INTS9: variants seen among roughly 807,000 people sequenced by gnomAD.
The protein encoded by INTS9 is protein related to CPSF subunits of 74 kDa.
INTS9 carries 55 observed loss-of-function variants against 79.7 expected under a neutral mutation model. The ratio of observed to expected loss-of-function variants is 0.69; its 90% CI spans 0.56 to 0.86. INTS9 has a LOEUF of 0.86. Among genes scored for constraint, INTS9 ranks in the 40% least tolerant of loss-of-function variants. The probability of loss-of-function intolerance (pLI) is 0.00; values close to 1 mark genes in which losing one functional copy is unlikely to be tolerated. For synonymous variants in INTS9, 319 were observed against 325.2 expected (o/e 0.98, Z 0.20); for missense variants, 721 against 831.5 (o/e 0.87, Z 1.64).
intron 1 of INTS9, among the ~76,000 whole-genome samples, chr8:28,878,145 A>C (rs1809493575): frequency 6.6e-6 from 1 of 152,208 alleles, no homozygotes; most frequent in African/African-American, 2.4e-5. Flanking sequence ...AATATGCCAA[A>C]CCAATGTGGA....
chr8:28,775,634 G>C (rs1317712736), intron 14 of INTS9, 125 bp downstream of exon 14: 2 of 1,038,868 alleles, frequency 1.9e-6, no homozygotes, highest in Non-Finnish European at 2.8e-6. Flanking sequence ...TTATAGGCGT[G>C]AGCTACTGCG....
intron 3 of INTS9, among the ~76,000 whole-genome samples, chr8:28,849,534 C>A (rs1807707949): frequency 6.6e-6 from 1 of 151,652 alleles, no homozygotes; most frequent in African/African-American, 2.4e-5. Context: ...CCATTCTAGG[C>A]TATCAGGACA....
Position 28,816,132 on chromosome 8 carries a change from CT to C in INTS9, c.489-2521del, listed in dbSNP as rs890460974. Among the ~76,000 whole-genome samples, 1,327 of 147,500 alleles carry C rather than the reference CT, an allele frequency of 9.0e-3. 17 individuals carry two copies. Among genetic ancestry groups the C allele is most frequent in the African/African-American group, 0.03 (1,202 of 40,254 alleles). ...CTATATATCTAGCAAAACTGACTTTCTTTTTTTTTTCCTTTTTTAAAAATTT... is the reference window on the plus strand; with the variant it reads ...CTATATATCTAGCAAAACTGACTTTCTTTTTTTTTCCTTTTTTAAAAATTT... On this transcript the variant is annotated intron_variant, in intron 6 of 16. Coordinates refer to ENST00000521022, the MANE Select transcript of INTS9 (RefSeq NM_018250.4).
chr8:28,865,719 C>A (rs1301886973), intron 1 of INTS9, among the ~76,000 whole-genome samples: 1 of 152,056 alleles, frequency 6.6e-6, no homozygotes, highest in Non-Finnish European at 1.5e-5. Flanking sequence ...TGTTGGTGCT[C>A]TGATTTTTCA....
rs1454068336 is a variant in INTS9, at chr8:28,819,786, C to T, written c.489-6174G>A. Among the ~76,000 whole-genome samples, 2 of 152,246 alleles carry T rather than the reference C, an allele frequency of 1.3e-5. 1 individual carries two copies. Among genetic ancestry groups the T allele is most frequent in the South Asian group, 4.2e-4 (2 of 4,818 alleles). On this transcript the variant is annotated intron_variant, in intron 6 of 16. Coordinates refer to ENST00000521022, the MANE Select transcript of INTS9 (RefSeq NM_018250.4). Reference sequence around the variant, plus strand: ...TCTCCCATTATTATTGTGTGGGAGTCTAAGTCTCTTTGTAGGTCACTCAGG... The same window carrying T: ...TCTCCCATTATTATTGTGTGGGAGTTTAAGTCTCTTTGTAGGTCACTCAGG...
chr8:28,865,118 A>G lies in INTS9; in HGVS notation c.10-5555T>C, dbSNP rs370538432. On this transcript the variant is annotated intron_variant, in intron 1 of 16. Transcript: ENST00000521022. The stretch of plus-strand genomic sequence containing the variant: ...TTGAAAATCAAGAAATAACAGTATA[A>G]TCATATTATTGAAAAATATAAAGGT... 5.3e-5 allele frequency among the ~76,000 whole-genome samples: 8 copies of G among 152,244 alleles called. No individual in the cohort carries two copies. The East Asian group carries it at 9.6e-4, about 18-fold the overall frequency.
At chr8:28,804,382 G>T (rs1256716346) in intron 8 of INTS9, among the ~76,000 whole-genome samples, 1 of 152,346 alleles carries the variant, frequency 6.6e-6, no homozygotes, top group South Asian at 2.1e-4. Flanking sequence ...ACTGCGGGTG[G>T]AGGAGAGGCT....
intron 4 of INTS9, among the ~76,000 whole-genome samples, chr8:28,839,593 A>C (rs1321502896): frequency 2.6e-5 from 4 of 152,212 alleles, no homozygotes; most frequent in Non-Finnish European, 5.9e-5. Flanking sequence ...CAAAACAGAG[A>C]TATAGATCAA....
At chr8:28,819,215 T>C (rs1335485072) in intron 6 of INTS9, among the ~76,000 whole-genome samples, 2 of 152,242 alleles carry the variant, frequency 1.3e-5, no homozygotes, top group East Asian at 3.8e-4. Flanking sequence ...TGTTTGCTCT[T>C]GCTTTTCTAG....
chr8:28,834,643 T>G (rs1237841213), intron 6 of INTS9, among the ~76,000 whole-genome samples: 1 of 151,988 alleles, frequency 6.6e-6, no homozygotes, highest in African/African-American at 2.4e-5. Flanking sequence ...TTCTTCAGTT[T>G]CTGAGTGCCT....
At chr8:28,832,884 C>G (rs938408300) in intron 6 of INTS9, among the ~76,000 whole-genome samples, 1 of 151,974 alleles carries the variant, frequency 6.6e-6, no homozygotes, top group African/African-American at 2.4e-5. Flanking sequence ...ATTGCCTGAA[C>G]CTTGGGAGGC....
At chr8:28,888,697 T>C (rs1349637816) in intron 1 of INTS9, among the ~76,000 whole-genome samples, 2 of 152,216 alleles carry the variant, frequency 1.3e-5, no homozygotes, top group African/African-American at 4.8e-5. Flanking sequence ...TCTCAAGGTT[T>C]AGTGACCCGC....
chr8:28,865,949 T>C (rs1010539574), intron 1 of INTS9, among the ~76,000 whole-genome samples: 1 of 152,156 alleles, frequency 6.6e-6, no homozygotes, highest in Admixed American at 6.5e-5. Context: ...ATTATCATTT[T>C]TTTTTTTGCA....
At chr8:28,842,087 C>CA (rs143678237) in intron 4 of INTS9, among the ~76,000 whole-genome samples, 4,806 of 151,500 alleles carry the variant, frequency 0.032, 141 homozygotes, top group Non-Finnish European at 0.049. Flanking sequence ...GACCCCATCT[C>CA]AAAAAAAATC....
At chr8:28,774,420 G>A (rs1045054225) in intron 14 of INTS9, among the ~76,000 whole-genome samples, 1 of 152,210 alleles carries the variant, frequency 6.6e-6, no homozygotes, top group African/African-American at 2.4e-5. Context: ...TTGTAAGGAT[G>A]TCTGAGACCA....
intron 10 of INTS9, among the ~76,000 whole-genome samples, chr8:28,789,069 T>C (rs1362320290): frequency 6.6e-6 from 1 of 152,210 alleles, no homozygotes; most frequent in Non-Finnish European, 1.5e-5. Context: ...CTTTATACCC[T>C]ACTTGGAAGA....
intron 1 of INTS9, among the ~76,000 whole-genome samples, chr8:28,881,125 G>C (rs990329956): frequency 3.4e-5 from 5 of 148,102 alleles, no homozygotes; most frequent in East Asian, 2.1e-4. Flanking sequence ...GGAGGGAGGT[G>C]GGGGGGTCAG....
At chr8:28,859,226 CAGA>C (rs1268809617) in intron 2 of INTS9, among the ~76,000 whole-genome samples, 1 of 152,102 alleles carries the variant, frequency 6.6e-6, no homozygotes, top group African/African-American at 2.4e-5. Flanking sequence ...TACAGAAGCT[CAGA>C]AGAAGTTATA....
intron 1 of INTS9, among the ~76,000 whole-genome samples, chr8:28,867,328 A>T (rs891799961): frequency 2.0e-5 from 3 of 152,162 alleles, no homozygotes; most frequent in African/African-American, 7.2e-5. Flanking sequence ...CTGAGGCAGG[A>T]GAATCGCTTG....
Sources: gnomAD v4.1 joint callset for allele counts (sites outside exome capture counted in the v4.1 genomes callset) on GRCh38, gnomAD v4.1.1 for gene constraint, MANE v1.5 for transcripts, NCBI Gene and HGNC (gene_info 2026-07-23, HGNC 2026-07-21) for gene names.